HS6ST3: variants seen among roughly 807,000 people sequenced by gnomAD.
HS6ST3 encodes heparan-sulfate 6-O-sulfotransferase 3.
Under a neutral mutation model 36.7 loss-of-function variants are expected in HS6ST3, and 12 were observed. That is an observed-to-expected ratio of 0.33 (90% CI 0.21 to 0.53). The LOEUF (loss-of-function observed/expected upper bound fraction) is 0.53. Among genes scored for constraint, HS6ST3 ranks in the 20% least tolerant of loss-of-function variants. The pLI is 0.95. For missense variants in HS6ST3, 584 were observed against 640.9 expected, an observed-to-expected ratio of 0.91 and a Z score of 0.96; for synonymous variants, 240 against 257.5, an observed-to-expected ratio of 0.93 and a Z score of 0.65.
chr13:96,347,541 A>G (rs1171972670), intron 1 of HS6ST3, among the ~76,000 whole-genome samples: 2 of 152,228 alleles, frequency 1.3e-5, no homozygotes, highest in African/African-American at 2.4e-5. Flanking sequence ...CTGCAGGACC[A>G]CCTAATATTT....
chr13:96,422,627 C>T (rs1365388706), intron 1 of HS6ST3, among the ~76,000 whole-genome samples: 4 of 152,148 alleles, frequency 2.6e-5, no homozygotes, highest in Non-Finnish European at 5.9e-5. Flanking sequence ...AATTTGATGA[C>T]TTCATGTCAT....
intron 1 of HS6ST3, among the ~76,000 whole-genome samples, chr13:96,446,254 A>G (rs755997656): frequency 1.8e-4 from 28 of 152,160 alleles, no homozygotes; most frequent in South Asian, 2.1e-4. Context: ...CTCAGTCTCT[A>G]TAATTTTATA....
At chr13:96,173,486 C>A (rs1359746145) in intron 1 of HS6ST3, among the ~76,000 whole-genome samples, 1 of 151,980 alleles carries the variant, frequency 6.6e-6, no homozygotes, top group Non-Finnish European at 1.5e-5. Flanking sequence ...AGCTTGAGAG[C>A]TACAGAAAGA....
chr13:96,272,670 AT>A (rs2139389168), intron 1 of HS6ST3, among the ~76,000 whole-genome samples: 1 of 152,118 alleles, frequency 6.6e-6, no homozygotes, highest in South Asian at 2.1e-4. Flanking sequence ...CATTGTGCTT[AT>A]TTAATTAAAG....
chr13:96,231,071 T>C (rs1417328761), intron 1 of HS6ST3, among the ~76,000 whole-genome samples: 1 of 151,970 alleles, frequency 6.6e-6, no homozygotes, highest in Non-Finnish European at 1.5e-5. Flanking sequence ...AAGGGTAATG[T>C]GGAAGTGGCC....
chr13:96,664,392 A>T (rs910830694), intron 1 of HS6ST3, among the ~76,000 whole-genome samples: 2 of 152,124 alleles, frequency 1.3e-5, no homozygotes, highest in Admixed American at 1.3e-4. Context: ...ACCATATGTC[A>T]TTTCATCACT....
chr13:96,573,040 T>C (rs1484190691), intron 1 of HS6ST3, among the ~76,000 whole-genome samples: 1 of 152,154 alleles, frequency 6.6e-6, no homozygotes, highest in Non-Finnish European at 1.5e-5. Flanking sequence ...TCACCCTAAC[T>C]CAAGGACATG....
At chr13:96,201,510 G>A (rs1199008057) in intron 1 of HS6ST3, among the ~76,000 whole-genome samples, 1 of 152,156 alleles carries the variant, frequency 6.6e-6, no homozygotes, top group African/African-American at 2.4e-5. Context: ...CATGAATAAT[G>A]TTACATTAAA....
chr13:96,273,852 A>C (rs1471245351), intron 1 of HS6ST3, among the ~76,000 whole-genome samples: 1 of 150,938 alleles, frequency 6.6e-6, no homozygotes, highest in Non-Finnish European at 1.5e-5. Context: ...TGGGAACCAA[A>C]CCCTGCCAGG....
At chr13:96,222,375 A>C (rs1487131504) in intron 1 of HS6ST3, among the ~76,000 whole-genome samples, 1 of 152,224 alleles carries the variant, frequency 6.6e-6, no homozygotes, top group Admixed American at 6.5e-5. Flanking sequence ...TACAGCATCA[A>C]CTTCATTTTT....
chr13:96,819,769 T>C (rs1295964149), intron 1 of HS6ST3, among the ~76,000 whole-genome samples: 21 of 152,130 alleles, frequency 1.4e-4, no homozygotes, highest in African/African-American at 3.9e-4. Context: ...AATCCTTGTA[T>C]ATGGCCAGGC....
chr13:96,792,488 G>A (rs1236464179), intron 1 of HS6ST3, among the ~76,000 whole-genome samples: 1 of 151,756 alleles, frequency 6.6e-6, no homozygotes, highest in Non-Finnish European at 1.5e-5. Flanking sequence ...CAAGCTCCCT[G>A]GCCATCTATT....
At chr13:96,631,618 T>TA (rs2056532294) in intron 1 of HS6ST3, among the ~76,000 whole-genome samples, 1 of 152,220 alleles carries the variant, frequency 6.6e-6, no homozygotes, top group African/African-American at 2.4e-5. Flanking sequence ...ATCTCATAGT[T>TA]ATCTACTGAT....
At chr13:96,543,134 G>A (rs1489022220) in intron 1 of HS6ST3, among the ~76,000 whole-genome samples, 1 of 152,144 alleles carries the variant, frequency 6.6e-6, no homozygotes, top group East Asian at 1.9e-4. Context: ...TGAACAGAAA[G>A]GAATTTATTT....
intron 1 of HS6ST3, among the ~76,000 whole-genome samples, chr13:96,243,915 A>AG (rs979299419): frequency 2.2e-4 from 34 of 151,204 alleles, no homozygotes; most frequent in African/African-American, 8.0e-4. Flanking sequence ...GGGTGTGGAA[A>AG]GGGGGGCTGC....
intron 1 of HS6ST3, among the ~76,000 whole-genome samples, chr13:96,756,957 C>A (rs867995208): frequency 3.9e-5 from 6 of 152,218 alleles, no homozygotes; most frequent in Admixed American, 1.3e-4. Context: ...GGGTTGGAGT[C>A]CATGCAAAGG....
chr13:96,515,482 C>T (rs1218717959), intron 1 of HS6ST3, among the ~76,000 whole-genome samples: 1 of 152,144 alleles, frequency 6.6e-6, no homozygotes, highest in Non-Finnish European at 1.5e-5. Context: ...TATGCATTTA[C>T]ATGTGCTAGG....
Position 96,162,000 on chromosome 13 carries a change from A to C in HS6ST3, c.707+70431A>C, listed in dbSNP as rs137999637. Among the ~76,000 whole-genome samples, 491 of 152,308 alleles carry C rather than the reference A, an allele frequency of 3.2e-3. 2 individuals carry two copies. The highest frequency in any genetic ancestry group is 0.011 in the African/African-American group (475 of 41,584). On this transcript the variant is annotated intron_variant, in intron 1 of 1. Transcript: ENST00000376705. ...TATAAACAAAAACAAACGTTTACAAAATAAGAATGGACATTTATGAAGAAC... is the reference window on the plus strand; with the variant it reads ...TATAAACAAAAACAAACGTTTACAACATAAGAATGGACATTTATGAAGAAC...
chr13:96,335,753 A>G (rs181254769), intron 1 of HS6ST3, among the ~76,000 whole-genome samples: 1 of 152,302 alleles, frequency 6.6e-6, no homozygotes, highest in Admixed American at 6.5e-5. Context: ...TCCGGCCTTC[A>G]GGGTCCTCGT....
Sources: gnomAD v4.1 joint callset for allele counts (sites outside exome capture counted in the v4.1 genomes callset) on GRCh38, gnomAD v4.1.1 for gene constraint, MANE v1.5 for transcripts, NCBI Gene and HGNC (gene_info 2026-07-23, HGNC 2026-07-21) for gene names.